Variants in CARD8 observed in about 807,000 individuals in gnomAD.
The protein encoded by CARD8 is caspase recruitment domain family member 8.
Under a neutral mutation model 53.2 loss-of-function variants are expected in CARD8, and 38 were observed. The observed-to-expected ratio is 0.71, with a 90% CI of 0.55 to 0.94. The LOEUF is 0.94. Ranked by LOEUF, CARD8 falls within the 40% of genes least tolerant of loss-of-function variation. The pLI is 0.00. For synonymous variants in CARD8, 245 were observed against 244.9 expected (o/e 1.00, Z 0.00); for missense variants, 561 against 655.5 (o/e 0.86, Z 1.57).
rs2037715918 is a variant in CARD8 at position 48,209,740 on chromosome 19, C to G, written c.*1970G>C. ...CATTTAAAAGAATTCCACTATTCATCAAAATTTTCATCTATTCTCAAGACT... is the reference window on the plus strand; with the variant it reads ...CATTTAAAAGAATTCCACTATTCATGAAAATTTTCATCTATTCTCAAGACT... On this transcript the variant is annotated 3_prime_UTR_variant, in exon 14 of 14. Coordinates refer to ENST00000651546, the MANE Select transcript of CARD8 (RefSeq NM_001184900.3). 6.6e-6 allele frequency: 1 copy of G among 152,294 alleles called. No homozygotes were observed. The highest frequency in any genetic ancestry group is 2.1e-4 in the South Asian group (1 of 4,828). 9.4% of individuals were successfully genotyped at this position (152,294 alleles called of 1,614,324 possible).
At chr19:48,227,200 A>T (rs2041960356) in intron 10 of CARD8, among the ~76,000 whole-genome samples, 2 of 152,166 alleles carry the variant, frequency 1.3e-5, no homozygotes, top group Admixed American at 6.5e-5. Flanking sequence ...TGGGGAAGAG[A>T]GTTGAATAAA....
intron 10 of CARD8, among the ~76,000 whole-genome samples, chr19:48,228,892 A>G (rs2042305383): frequency 6.6e-6 from 1 of 152,142 alleles, no homozygotes; most frequent in Admixed American, 6.5e-5. Context: ...TAATCCCAGA[A>G]CTTCGGGAGG....
chr19:48,204,120 T>C (rs1285590269), downstream of CARD8: 9 of 453,840 alleles, frequency 2.0e-5, no homozygotes, highest in Non-Finnish European at 4.4e-6. Context: ...CCAAAGGGTC[T>C]GGGCGCCGGG....
intron 6 of CARD8, chr19:48,234,093 A>G: frequency 4.2e-6 from 1 of 236,566 alleles, no homozygotes; most frequent in Non-Finnish European, 8.1e-6. Flanking sequence ...CAGCCTCATC[A>G]TCAGCCAGTT....
downstream of CARD8, among the ~76,000 whole-genome samples, chr19:48,204,924 A>G (rs1005562091): frequency 6.6e-6 from 1 of 152,218 alleles, no homozygotes; most frequent in Non-Finnish European, 1.5e-5. Flanking sequence ...GTTAAATTCT[A>G]ATTTCGGAAA....
intron 10 of CARD8, among the ~76,000 whole-genome samples, chr19:48,225,608 T>C (rs1388326742): frequency 2.6e-5 from 4 of 152,126 alleles, no homozygotes; most frequent in Non-Finnish European, 5.9e-5. Flanking sequence ...CAGGAGCCAG[T>C]CTTGCAAGGG....
intron 5 of CARD8, 134 bp downstream of exon 5, chr19:48,238,249 A>C: frequency 7.2e-7 from 1 of 1,384,252 alleles, no homozygotes; most frequent in South Asian, 1.6e-5. Flanking sequence ...TTAAGATAAC[A>C]AAGAAGAAAA....
intron 13 of CARD8, among the ~76,000 whole-genome samples, chr19:48,214,741 C>T (rs1167177133): frequency 7.1e-6 from 1 of 140,512 alleles, no homozygotes. Flanking sequence ...AGTGTACTTT[C>T]CTCCTTCCTT....
intron 10 of CARD8, among the ~76,000 whole-genome samples, chr19:48,228,435 G>C (rs1014593563): frequency 2.0e-5 from 3 of 152,060 alleles, no homozygotes; most frequent in African/African-American, 7.2e-5. Flanking sequence ...GTGGTCAGTG[G>C]AATAGCATTC....
Position 48,209,225 on chromosome 19 carries a change from G to A in CARD8, c.*2485C>T, listed in dbSNP as rs2037649547. The A allele has an allele frequency of 6.6e-6, 1 of 151,916 alleles. No homozygotes were observed. Among genetic ancestry groups the A allele is most frequent in the African/African-American group, 2.4e-5 (1 of 41,300 alleles). 9.4% of individuals were successfully genotyped at this position (151,916 alleles called of 1,614,324 possible). A position where few individuals can be genotyped will look rare whatever the true frequency, so the allele number is the denominator to read the frequency against. ...GGCACAATAATCGCTTGAACCAGGA[G>A]GCAGAGGTTGCAGTGAGCTGAGATC... On this transcript the variant is annotated 3_prime_UTR_variant, in exon 14 of 14. Coordinates refer to ENST00000651546, the MANE Select transcript of CARD8 (RefSeq NM_001184900.3).
At chr19:48,244,604 T>C (rs1600667531) in intron 3 of CARD8, among the ~76,000 whole-genome samples, 1 of 151,454 alleles carries the variant, frequency 6.6e-6, no homozygotes, top group Non-Finnish European at 1.5e-5. Context: ...AGAGGCGGTG[T>C]GGATCCTTGA....
At chr19:48,243,282 G>T (rs1250827824) in intron 3 of CARD8, among the ~76,000 whole-genome samples, 1 of 152,048 alleles carries the variant, frequency 6.6e-6, no homozygotes, top group African/African-American at 2.4e-5. Context: ...CAAAGTGCTG[G>T]GATTACAGAC....
intron 13 of CARD8, among the ~76,000 whole-genome samples, chr19:48,214,875 GCCTCCCGGGTT>G (rs1431458852): frequency 7.1e-6 from 1 of 140,350 alleles, no homozygotes; most frequent in African/African-American, 2.8e-5. Flanking sequence ...TGCAACCTCT[GCCTCCCGGGTT>G]CAAGCCATTC....
chr19:48,212,394 A>G (rs1164887327), intron 13 of CARD8, among the ~76,000 whole-genome samples: 2 of 152,216 alleles, frequency 1.3e-5, no homozygotes, highest in African/African-American at 4.8e-5. Flanking sequence ...TGGATCCCCA[A>G]AGCTTAGCTG....
chr19:48,231,068 T>G (rs1271056076), intron 8 of CARD8, 62 bp from the exon 9 acceptor site: 1 of 1,352,270 alleles, frequency 7.4e-7, no homozygotes, highest in African/African-American at 1.4e-5. Flanking sequence ...TAAGCAGCGA[T>G]GTGCAGAGGG....
In CARD8 at chr19:48,209,019, T is replaced by C. The variant is rs1376828763; in HGVS notation, c.*2691A>G. On this transcript the variant is annotated 3_prime_UTR_variant, in exon 14 of 14. Coordinates refer to ENST00000651546, the MANE Select transcript of CARD8 (RefSeq NM_001184900.3). ...AAAAAAAAAAAAAAATACTCAAATGTGCCAGGTGTAGTGGCCTGTAATCCC... is the reference window on the plus strand; with the variant it reads ...AAAAAAAAAAAAAAATACTCAAATGCGCCAGGTGTAGTGGCCTGTAATCCC... 1 of 137,764 alleles carries C rather than the reference T, an allele frequency of 7.3e-6. No homozygotes were observed. The highest frequency in any genetic ancestry group is 2.7e-5 in the African/African-American group (1 of 36,640). 8.5% of individuals were successfully genotyped at this position (137,764 alleles called of 1,614,324 possible). A position where few individuals can be genotyped will look rare whatever the true frequency, so the allele number is the denominator to read the frequency against.
At chr19:48,248,598 T>A (rs1013460721) in intron 3 of CARD8, among the ~76,000 whole-genome samples, 9 of 152,180 alleles carry the variant, frequency 5.9e-5, no homozygotes, top group African/African-American at 2.2e-4. Context: ...CAAGTGTGAA[T>A]ATGAATGTGT....
rs1216708219 is a variant in CARD8, at chr19:48,230,889, C to T, written c.660G>A (p.Leu220=). Reference sequence around the variant, plus strand: ...GCCACTGTTCATGGTGCTGCAGGTCCAGGGCCAGGTGCTGACTCCAGGAAC... The same window carrying T: ...GCCACTGTTCATGGTGCTGCAGGTCTAGGGCCAGGTGCTGACTCCAGGAAC... ...AFGSWSQHLA[L]DLQHHEQWLV... is the part of the protein sequence containing the mutation. Residue 220 remains leucine (L), a synonymous_variant, in exon 9 of 14, where the codon CTG becomes CTA. Coordinates refer to ENST00000651546, the MANE Select transcript of CARD8 (RefSeq NM_001184900.3). 6.2e-7 allele frequency: 1 copy of T among 1,614,182 alleles called. No individual in the cohort carries two copies.
At chr19:48,218,153 T>A (rs1322893862) in intron 12 of CARD8, among the ~76,000 whole-genome samples, 1 of 112,930 alleles carries the variant, frequency 8.9e-6, no homozygotes, top group African/African-American at 3.2e-5. Flanking sequence ...TGACAATAGA[T>A]TTCTCTTTTT....
Sources: allele counts gnomAD v4.1 joint callset (sites outside exome capture counted in the v4.1 genomes callset), GRCh38; gene constraint gnomAD v4.1.1; transcripts MANE v1.5; gene names NCBI Gene and HGNC (gene_info 2026-07-23, HGNC 2026-07-21).